ASCL3: variants seen among roughly 807,000 people sequenced by gnomAD.
ASCL3 encodes achaete-scute homolog 3.
Under a neutral mutation model 2.3 loss-of-function variants are expected in ASCL3, and 1 was observed. That is an observed-to-expected ratio of 0.44 (90% CI 0.16 to 2.10). The LOEUF is 2.10. Ranked by LOEUF, ASCL3 falls within the 30% of genes most tolerant of loss-of-function variation. The pLI, the probability that ASCL3 is intolerant of heterozygous loss-of-function variation, is 0.28. For missense variants in ASCL3, 243 were observed against 229.0 expected (o/e 1.06, Z -0.40); for synonymous variants, 98 against 88.5 (o/e 1.11, Z -0.60).
chr11:8,941,642 C>T (rs1344241950), intron 1 of ASCL3, among the ~76,000 whole-genome samples: 3 of 151,838 alleles, frequency 2.0e-5, no homozygotes, highest in Admixed American at 6.6e-5. Context: ...TTAAAAGCGA[C>T]GGGGTGGTGG....
intron 1 of ASCL3, among the ~76,000 whole-genome samples, chr11:8,941,609 G>C (rs2742498): frequency 0.028 from 4,286 of 152,074 alleles, 95 homozygotes; most frequent in Middle Eastern, 0.13. Context: ...TGGAAAAGAA[G>C]TCAATGCCAG....
intron 1 of ASCL3, among the ~76,000 whole-genome samples, chr11:8,942,156 A>G (rs1231237750): frequency 6.6e-6 from 1 of 152,154 alleles, no homozygotes; most frequent in African/African-American, 2.4e-5. Context: ...GGTTTTAACA[A>G]TATTTTCGTA....
chr11:8,940,875 T>A lies in ASCL3; in HGVS notation c.-13+2111A>T, dbSNP rs79383491. On this transcript the variant is annotated intron_variant, in intron 1 of 1. Coordinates refer to ENST00000531618, the MANE Select transcript of ASCL3 (RefSeq NM_020646.3). Reference sequence around the variant, plus strand: ...GGTATTATAAGTAATACAGAGATGATTGAAAGTGTTTGAGAGGGTGTGTGT... The same window carrying A: ...GGTATTATAAGTAATACAGAGATGAATGAAAGTGTTTGAGAGGGTGTGTGT... 9.0e-3 allele frequency among the ~76,000 whole-genome samples: 1,367 copies of A among 152,282 alleles called. 22 individuals carry two copies. The highest frequency in any genetic ancestry group is 0.013 in the Non-Finnish European group (888 of 68,014).
chr11:8,942,164 G>A (rs1232646695), intron 1 of ASCL3, among the ~76,000 whole-genome samples: 2 of 151,914 alleles, frequency 1.3e-5, no homozygotes, highest in South Asian at 2.1e-4. Flanking sequence ...CAATATTTTC[G>A]TAATTCTTGA....
At chr11:8,939,628 A>T (rs2064696889) in intron 1 of ASCL3, among the ~76,000 whole-genome samples, 1 of 152,172 alleles carries the variant, frequency 6.6e-6, no homozygotes, top group African/African-American at 2.4e-5. Context: ...TACAGGTGGA[A>T]CAAAGATATA....
At chr11:8,939,901 A>G (rs945513683) in intron 1 of ASCL3, among the ~76,000 whole-genome samples, 1 of 152,180 alleles carries the variant, frequency 6.6e-6, no homozygotes, top group Non-Finnish European at 1.5e-5. Context: ...TCAATATACA[A>G]GTTTTTACAT....
chr11:8,939,426 G>A (rs4910181), intron 1 of ASCL3, among the ~76,000 whole-genome samples: 85,330 of 151,418 alleles, frequency 0.56, 25,618 homozygotes, highest in East Asian at 0.69. Context: ...TTTTTAGTAG[G>A]GACGGGGTTT....
At chr11:8,939,923 T>C (rs2064698009) in intron 1 of ASCL3, among the ~76,000 whole-genome samples, 1 of 152,202 alleles carries the variant, frequency 6.6e-6, no homozygotes, top group South Asian at 2.1e-4. Context: ...TGTAGAACTG[T>C]AAATATATTG....
chr11:8,940,274 TTTG>T (rs1280103478), intron 1 of ASCL3, among the ~76,000 whole-genome samples: 1 of 151,910 alleles, frequency 6.6e-6, no homozygotes, highest in Non-Finnish European at 1.5e-5. Context: ...ATAGTTAAGT[TTTG>T]TTGGTTTTTG....
chr11:8,942,679 G>A (rs1406822555), intron 1 of ASCL3, among the ~76,000 whole-genome samples: 1 of 152,136 alleles, frequency 6.6e-6, no homozygotes, highest in Non-Finnish European at 1.5e-5. Flanking sequence ...GAATGTTAGA[G>A]CTAGAAGGAA....
chr11:8,939,044 A>G (rs953909218), intron 1 of ASCL3, among the ~76,000 whole-genome samples: 1 of 151,326 alleles, frequency 6.6e-6, no homozygotes, highest in South Asian at 2.1e-4. Flanking sequence ...AGCTCAAGCA[A>G]CCCGCCTGCC....
At chr11:8,942,126 C>A (rs1289077827) in intron 1 of ASCL3, among the ~76,000 whole-genome samples, 1 of 152,050 alleles carries the variant, frequency 6.6e-6, no homozygotes, top group Middle Eastern at 3.2e-3. Flanking sequence ...GTATATGCCA[C>A]AAGTAATTAA....
At chr11:8,940,071 G>C (rs1419303721) in intron 1 of ASCL3, among the ~76,000 whole-genome samples, 1 of 151,988 alleles carries the variant, frequency 6.6e-6, no homozygotes, top group Non-Finnish European at 1.5e-5. Flanking sequence ...TCAAACTGCT[G>C]GGTTCAAGTG....
intron 1 of ASCL3, among the ~76,000 whole-genome samples, chr11:8,942,232 T>A (rs1323385963): frequency 3.9e-5 from 6 of 152,184 alleles, no homozygotes; most frequent in Non-Finnish European, 8.8e-5. Context: ...CTGTTGAGCA[T>A]TTCCAATAAG....
Position 8,938,190 on chromosome 11 carries a change from G to GT in ASCL3, c.-12-18dup, listed in dbSNP as rs2064689835. Reference sequence around the variant, plus strand: ...CTCTTTAACCTGCAAACATAACCAAGTTTAACAATGTGGTCAGATAGAGAG... The same window carrying GT: ...CTCTTTAACCTGCAAACATAACCAAGTTTTAACAATGTGGTCAGATAGAGAG... On this transcript the variant is annotated splice_polypyrimidine_tract_variant and intron_variant, in intron 1 of 1. Coordinates refer to ENST00000531618, the MANE Select transcript of ASCL3 (RefSeq NM_020646.3). The GT allele has an allele frequency of 6.5e-7, 1 of 1,536,544 alleles. No individual in the cohort carries two copies. The highest frequency in any genetic ancestry group is 1.2e-5 in the South Asian group (1 of 80,392).
At chr11:8,942,837 C>T (rs1231547838) in intron 1 of ASCL3, among the ~76,000 whole-genome samples, 149 bp downstream of exon 1, 1 of 152,082 alleles carries the variant, frequency 6.6e-6, no homozygotes, top group Admixed American at 6.6e-5. Flanking sequence ...CCTGGATCTT[C>T]CATTATATGG....
At position 8,937,860 on chromosome 11, in the gene ASCL3, C is replaced by T. The variant is rs188564430; in HGVS notation, c.302G>A (p.Arg101Gln). The change falls in exon 2 of 2, where the codon CGG becomes CAG. Residue 101 changes from arginine to glutamine, a missense_variant. Arg to Gln is a conservative substitution (Grantham distance 43). Coordinates refer to ENST00000531618, the MANE Select transcript of ASCL3 (RefSeq NM_020646.3). ...GACACATTTCACCCGCTGCCTTTCC[C>T]GCTCATTCCTTTTCCGGGTGAAGGC... ...GPAFTRKRNERERQRVKCVNE... is the reference protein window; with the variant it reads ...GPAFTRKRNEQERQRVKCVNE... 1.1e-5 allele frequency: 18 copies of T among 1,614,118 alleles called. No homozygotes were observed. In the Admixed American group the frequency reaches 1.3e-4, roughly 12 times the overall value.
At chr11:8,940,038 T>C (rs777184126) in intron 1 of ASCL3, among the ~76,000 whole-genome samples, 8 of 152,118 alleles carry the variant, frequency 5.3e-5, no homozygotes, top group Non-Finnish European at 1.2e-4. Flanking sequence ...AGTGCAGTAA[T>C]GTGATCATGG....
chr11:8,938,290 C>T, intron 1 of ASCL3, 117 bp from the exon 2 acceptor site: 3 of 976,774 alleles, frequency 3.1e-6, no homozygotes, highest in Non-Finnish European at 4.5e-6. Flanking sequence ...GGCTCTGTTG[C>T]CCAGGCTGGA....
Sources: gnomAD v4.1 joint callset for allele counts (sites outside exome capture counted in the v4.1 genomes callset) on GRCh38, gnomAD v4.1.1 for gene constraint, MANE v1.5 for transcripts, NCBI Gene and HGNC (gene_info 2026-07-23, HGNC 2026-07-21) for gene names.